ADAM9: variants seen among roughly 807,000 people sequenced by gnomAD.
ADAM9 encodes ADAM metallopeptidase domain 9.
In ADAM9, 54 loss-of-function variants were observed where a neutral mutation model predicts 108.1. The observed-to-expected ratio is 0.50, with a 90% CI of 0.40 to 0.63. The LOEUF (loss-of-function observed/expected upper bound fraction) is 0.63, where lower values mean the gene tolerates loss of function less well. ADAM9 is among the 20% of genes least tolerant of loss of function. The pLI, the probability that ADAM9 is intolerant of heterozygous loss-of-function variation, is 0.00. For missense variants in ADAM9, 830 were observed against 997.7 expected (o/e 0.83, Z 2.26); for synonymous variants, 316 against 336.0 (o/e 0.94, Z 0.65).
Position 39,103,962 on chromosome 8 carries a change from A to G in ADAM9, c.*262A>G. 4.8e-6 allele frequency: 3 copies of G among 624,834 alleles called. No homozygotes were observed. The highest frequency in any genetic ancestry group is 3.0e-6 in the Non-Finnish European group (1 of 337,916). 38.7% of individuals were successfully genotyped at this position (624,834 alleles called of 1,614,324 possible). A position where few individuals can be genotyped will look rare whatever the true frequency, so the allele number is the denominator to read the frequency against. ...TCTTATTCAGTCATCGGTGAGGTTA[A>G]TGCACTAATCATGGATTTTTTGAAC... On this transcript the variant is annotated 3_prime_UTR_variant, in exon 22 of 22. Coordinates refer to ENST00000487273, the MANE Select transcript of ADAM9 (RefSeq NM_003816.3).
Position 39,021,651 on chromosome 8 carries a change from G to T in ADAM9, c.681G>T (p.Met227Ile), listed in dbSNP as rs1588343524. The T allele has an allele frequency of 1.2e-6, 2 of 1,613,830 alleles. No homozygotes were observed. Among genetic ancestry groups the T allele is most frequent in the Non-Finnish European group, 1.7e-6 (2 of 1,179,732 alleles). The change falls in exon 8 of 22, where the codon ATG becomes ATT. Residue 227 changes from methionine to isoleucine, a missense_variant. Around this residue, in one of 3 missense-constraint regions of ADAM9, gnomAD observed 381 missense variants for 539.8 expected, o/e 0.71. Coordinates refer to ENST00000487273, the MANE Select transcript of ADAM9 (RefSeq NM_003816.3). Reference sequence around the variant, plus strand: ...CTTCTTTGCTTTTCCAGTATGACATGATGGGAAGAAATCAGACTGCTGTGA... The same window carrying T: ...CTTCTTTGCTTTTCCAGTATGACATTATGGGAAGAAATCAGACTGCTGTGA... ...FIVVDKERYD[M>I]MGRNQTAVRE...
intron 11 of ADAM9, among the ~76,000 whole-genome samples, chr8:39,038,602 T>C (rs1053077693): frequency 1.3e-5 from 2 of 152,234 alleles, no homozygotes; most frequent in Admixed American, 6.5e-5. Flanking sequence ...ATCATAATCA[T>C]AACCTTTACA....
At chr8:39,066,773 A>G (rs143621661) in intron 14 of ADAM9, among the ~76,000 whole-genome samples, 20,964 of 152,074 alleles carry the variant, frequency 0.14, 3,049 homozygotes, top group African/African-American at 0.37. Context: ...CTATTTGTCA[A>G]TTTTGGCTTT....
Position 39,045,091 on chromosome 8 carries a change from C to CCT in ADAM9, c.1302+2974_1302+2975insCT, listed in dbSNP as rs1346145973. ...ATACATATGTGTGTGTGCATACATA[C>CCT]ATATGTGTGTGTGCATACATACATA... On this transcript the variant is annotated intron_variant, in intron 12 of 21. Coordinates refer to ENST00000487273, the MANE Select transcript of ADAM9 (RefSeq NM_003816.3). 4.8e-4 allele frequency among the ~76,000 whole-genome samples: 9 copies of CCT among 18,930 alleles called. 2 individuals carry two copies. Among genetic ancestry groups the CCT allele is most frequent in the African/African-American group, 2.9e-3 (8 of 2,796 alleles). The allele number at this position is 18,930 out of a possible 152,430, so 12.4% of individuals were successfully genotyped here. A position where few individuals can be genotyped will look rare whatever the true frequency, so the allele number is the denominator to read the frequency against.
chr8:39,014,663 A>T (rs921798015), intron 4 of ADAM9: 76 of 679,218 alleles, frequency 1.1e-4, no homozygotes, highest in Middle Eastern at 9.5e-4. Context: ...GTTAGGTATT[A>T]TACCTTTTTT....
At position 39,042,134 on chromosome 8, in the gene ADAM9, A is replaced by G; in HGVS notation, c.1302+17A>G. The G allele has an allele frequency of 6.2e-7, 1 of 1,613,872 alleles. No homozygotes were observed. The highest frequency in any genetic ancestry group is 8.5e-7 in the Non-Finnish European group (1 of 1,179,794). On this transcript the variant is annotated intron_variant, in intron 12 of 21. Coordinates refer to ENST00000487273, the MANE Select transcript of ADAM9 (RefSeq NM_003816.3). The stretch of plus-strand genomic sequence containing the variant: ...ACTCCAAAGGTCAGTTTAATTTTTG[A>G]CTTTTGCCTTGTAAAATTGCCATGA...
At position 39,104,775 on chromosome 8, in the gene ADAM9, CTA is replaced by C. The variant is rs1463614009; in HGVS notation, c.*1077_*1078del. 2.2e-6 allele frequency: 1 copy of C among 453,670 alleles called. No individual in the cohort carries two copies. The highest frequency in any genetic ancestry group is 4.4e-6 in the Non-Finnish European group (1 of 226,622). 28.1% of individuals were successfully genotyped at this position (453,670 alleles called of 1,614,324 possible). On this transcript the variant is annotated 3_prime_UTR_variant, in exon 22 of 22. Transcript: ENST00000487273. ...ACCTACAAAAAAGTTACTGTGGTAT[CTA>C]TGAGTTATCATCTTAGCTGTGTTAA... is the stretch of plus-strand genomic sequence containing the variant.
At chr8:39,011,532 A>C (rs1422071680) in intron 2 of ADAM9, 126 bp from the exon 3 acceptor site, 2 of 801,220 alleles carry the variant, frequency 2.5e-6, no homozygotes, top group African/African-American at 3.4e-5. Flanking sequence ...TTCTTCTATT[A>C]AATAGTTCAG....
intron 20 of ADAM9, among the ~76,000 whole-genome samples, chr8:39,093,455 T>C (rs1393083677): frequency 3.3e-5 from 5 of 152,198 alleles, no homozygotes; most frequent in Non-Finnish European, 1.5e-5. Flanking sequence ...TTATGCAACT[T>C]TAGTGAATTC....
chr8:39,030,348 G>A (rs1837059254), intron 11 of ADAM9, among the ~76,000 whole-genome samples: 1 of 151,828 alleles, frequency 6.6e-6, no homozygotes, highest in African/African-American at 2.4e-5. Flanking sequence ...TTAGAATCAT[G>A]CAGTATGTTG....
At position 39,092,553 on chromosome 8, in the gene ADAM9, T is replaced by C. The variant is rs561557836; in HGVS notation, c.2298+1207T>C. Among the ~76,000 whole-genome samples, 12 of 152,282 alleles carry C rather than the reference T, an allele frequency of 7.9e-5. No homozygotes were observed. In the South Asian group the frequency reaches 2.1e-3, roughly 26 times the overall value. On this transcript the variant is annotated intron_variant, in intron 20 of 21. Coordinates refer to ENST00000487273, the MANE Select transcript of ADAM9 (RefSeq NM_003816.3). ...TTGCCATATATGTATATATTTCTTA[T>C]TTGGTTTTGGCAAAATATATATAAA...
Position 39,091,298 on chromosome 8 carries a change from G to A in ADAM9, c.2250G>A (p.Pro750=), listed in dbSNP as rs769599236. 3.7e-6 allele frequency: 6 copies of A among 1,614,074 alleles called. No individual in the cohort carries two copies. The highest frequency in any genetic ancestry group is 2.2e-5 in the South Asian group (2 of 91,084). ...GKNQANPSRQ[P]GSVPRHVSPV... is the part of the protein sequence containing the mutation. ...ATCAAGCAAACCCTTCTAGACAGCC[G>A]GGGAGTGTTCCTCGACATGTTTCTC... is the stretch of plus-strand genomic sequence containing the variant. Residue 750 remains proline, a synonymous_variant, in exon 20 of 22, where the codon CCG becomes CCA. Coordinates refer to ENST00000487273, the MANE Select transcript of ADAM9 (RefSeq NM_003816.3).
intron 11 of ADAM9, among the ~76,000 whole-genome samples, chr8:39,028,159 C>T (rs1190801774): frequency 1.3e-5 from 2 of 152,176 alleles, no homozygotes; most frequent in Non-Finnish European, 2.9e-5. Flanking sequence ...CTTCCCACCT[C>T]CCTCAGGCTC....
At chr8:39,100,244 C>CT (rs1156879548) in intron 20 of ADAM9, among the ~76,000 whole-genome samples, 1 of 151,672 alleles carries the variant, frequency 6.6e-6, no homozygotes, top group African/African-American at 2.4e-5. Context: ...AATCCCAACA[C>CT]TTTGGGAGGC....
At chr8:39,002,462 G>A (rs1836028934) in intron 1 of ADAM9, among the ~76,000 whole-genome samples, 1 of 151,706 alleles carries the variant, frequency 6.6e-6, no homozygotes, top group Non-Finnish European at 1.5e-5. Flanking sequence ...GGGACTACAG[G>A]CACGCACCAC....
At chr8:39,021,610 G>C in intron 7 of ADAM9, 33 bp from the exon 8 acceptor site, 2 of 1,577,912 alleles carry the variant, frequency 1.3e-6, no homozygotes, top group East Asian at 4.5e-5. Flanking sequence ...AAAGTACTTT[G>C]GTGATAATGA....
intron 20 of ADAM9, among the ~76,000 whole-genome samples, chr8:39,101,263 C>A (rs1564393288): frequency 6.6e-6 from 1 of 152,116 alleles, no homozygotes; most frequent in Non-Finnish European, 1.5e-5. Flanking sequence ...ACAGGTTGAG[C>A]ACCCCTAATC....
intron 11 of ADAM9, among the ~76,000 whole-genome samples, chr8:39,031,869 T>C (rs1837104640): frequency 6.6e-6 from 1 of 152,258 alleles, no homozygotes; most frequent in South Asian, 2.1e-4. Context: ...TTGATGCTAT[T>C]CCTTTCTGTT....
At chr8:39,068,806 C>T (rs1016677886) in intron 14 of ADAM9, among the ~76,000 whole-genome samples, 1 of 150,710 alleles carries the variant, frequency 6.6e-6, no homozygotes, top group Non-Finnish European at 1.5e-5. Context: ...CTCAGTTCAT[C>T]CCCTTGTTTT....
Sources: allele counts gnomAD v4.1 joint callset (sites outside exome capture counted in the v4.1 genomes callset), GRCh38; gene constraint gnomAD v4.1.1; regional missense constraint gnomAD v4.1.1; transcripts MANE v1.5; gene names NCBI Gene and HGNC (gene_info 2026-07-23, HGNC 2026-07-21).